Variants in DRD3 observed in about 807,000 individuals in gnomAD.
DRD3 encodes the protein D(3) dopamine receptor.
Under a neutral mutation model 36.3 loss-of-function variants are expected in DRD3, and 19 were observed. The ratio of observed to expected loss-of-function variants is 0.52; its 90% CI spans 0.36 to 0.77. The LOEUF (loss-of-function observed/expected upper bound fraction) is 0.77. DRD3 is among the 30% of genes least tolerant of loss of function. The probability of loss-of-function intolerance (pLI) is 0.00; values close to 1 mark genes in which losing one functional copy is unlikely to be tolerated. For missense variants in DRD3, 465 were observed against 505.3 expected (o/e 0.92, Z 0.77); for synonymous variants, 195 against 203.7 (o/e 0.96, Z 0.36).
At chr3:114,173,954 C>T (rs1004783241) in intron 1 of DRD3, among the ~76,000 whole-genome samples, 1 of 151,890 alleles carries the variant, frequency 6.6e-6, no homozygotes, top group Non-Finnish European at 1.5e-5. Context: ...TCATTTTGTA[C>T]CTCACTTTGA....
At chr3:114,185,735 G>T (rs765500247) in intron 1 of DRD3, among the ~76,000 whole-genome samples, 2 of 152,012 alleles carry the variant, frequency 1.3e-5, no homozygotes, top group Non-Finnish European at 2.9e-5. Context: ...GTGTGCAGTG[G>T]CATGATCATA....
At chr3:114,151,178 C>T (rs1434537213) in intron 3 of DRD3, among the ~76,000 whole-genome samples, 2 of 152,284 alleles carry the variant, frequency 1.3e-5, no homozygotes, top group East Asian at 1.9e-4. Context: ...GCTTTAGACT[C>T]TGCCGGGGGC....
upstream of DRD3, among the ~76,000 whole-genome samples, chr3:114,180,087 A>C (rs2077938127): frequency 6.6e-6 from 1 of 152,156 alleles, no homozygotes; most frequent in Non-Finnish European, 1.5e-5. Flanking sequence ...AATTCTCTTA[A>C]CCACTATGGT....
intron 3 of DRD3, among the ~76,000 whole-genome samples, chr3:114,156,773 TTCTTTCTTTCTTTCTTTCTTTCTTTC>T (rs1305707129): frequency 1.0e-3 from 129 of 126,894 alleles, no homozygotes; most frequent in African/African-American, 3.1e-3. Flanking sequence ...CTTTCTTTCT[TTCTTTCTTTCTTTCTTTCTTTCTTTC>T]TCTTTTCTTT....
At chr3:114,197,045 A>G (rs533105164) in intron 1 of DRD3, among the ~76,000 whole-genome samples, 306 of 149,870 alleles carry the variant, frequency 2.0e-3, no homozygotes, top group African/African-American at 7.1e-3. Flanking sequence ...CAGGTTAGTT[A>G]CATATGTATA....
chr3:114,169,730 G>C (rs1487633532), intron 2 of DRD3, among the ~76,000 whole-genome samples: 1 of 152,094 alleles, frequency 6.6e-6, no homozygotes, highest in Non-Finnish European at 1.5e-5. Context: ...TAGTAGAATA[G>C]GAGCACCAGT....
chr3:114,130,775 A>T (rs1021406594), intron 6 of DRD3, among the ~76,000 whole-genome samples: 2 of 152,126 alleles, frequency 1.3e-5, no homozygotes, highest in African/African-American at 4.8e-5. Context: ...TTGCATTCTT[A>T]TTTTTATCAC....
rs149054363 is a variant in DRD3, at chr3:114,159,933, A to G, written c.271-66T>C. Reference sequence around the variant, plus strand: ...AAGGAACGACAACCCAGTTGGCCCTATTTTCTTTGCTTTGCTGCCTAGTGT... The same window carrying G: ...AAGGAACGACAACCCAGTTGGCCCTGTTTTCTTTGCTTTGCTGCCTAGTGT... On this transcript the variant is annotated intron_variant, in intron 2 of 6. Coordinates refer to ENST00000383673, the MANE Select transcript of DRD3 (RefSeq NM_000796.6). The G allele has an allele frequency of 3.1e-5, 45 of 1,452,390 alleles. No individual in the cohort carries two copies. The East Asian group carries it at 8.2e-4, about 26-fold the overall frequency. 90.0% of individuals were successfully genotyped at this position (1,452,390 alleles called of 1,614,324 possible). A position where few individuals can be genotyped will look rare whatever the true frequency, so the allele number is the denominator to read the frequency against.
chr3:114,195,552 T>C (rs1274202327), intron 1 of DRD3, among the ~76,000 whole-genome samples: 1 of 152,222 alleles, frequency 6.6e-6, no homozygotes, highest in Non-Finnish European at 1.5e-5. Flanking sequence ...TTATTATTTA[T>C]GTAATAACAG....
chr3:114,170,167 A>G (rs1430107594), intron 2 of DRD3, among the ~76,000 whole-genome samples: 2 of 152,216 alleles, frequency 1.3e-5, no homozygotes, highest in Non-Finnish European at 2.9e-5. Context: ...TTTCAGGCTC[A>G]TTATTGTTGG....
intron 5 of DRD3, among the ~76,000 whole-genome samples, chr3:114,134,397 CA>C (rs1385728696): frequency 1.3e-5 from 2 of 151,940 alleles, no homozygotes; most frequent in Non-Finnish European, 2.9e-5. Context: ...CATGCCCAGC[CA>C]ATTTAAGTTT....
chr3:114,168,547 A>G (rs1278966073), intron 2 of DRD3, among the ~76,000 whole-genome samples: 3 of 152,020 alleles, frequency 2.0e-5, no homozygotes, highest in African/African-American at 4.8e-5. Context: ...TACTACAGGG[A>G]AAGTGCATGC....
intron 5 of DRD3, among the ~76,000 whole-genome samples, chr3:114,135,790 A>T (rs1445656952): frequency 6.6e-6 from 1 of 151,862 alleles, no homozygotes; most frequent in Non-Finnish European, 1.5e-5. Context: ...CCTGGGTTAG[A>T]GTGATTCTTG....
chr3:114,175,139 C>T (rs1006205299), intron 1 of DRD3, among the ~76,000 whole-genome samples: 1 of 152,082 alleles, frequency 6.6e-6, no homozygotes, highest in South Asian at 2.1e-4. Flanking sequence ...CCCCTCCCCA[C>T]AAGTTGGGAC....
intron 3 of DRD3, among the ~76,000 whole-genome samples, chr3:114,154,951 T>C (rs1041152871): frequency 7.2e-5 from 11 of 152,176 alleles, no homozygotes; most frequent in Admixed American, 5.2e-4. Context: ...CCACTCTGCT[T>C]TTTAAAAACG....
upstream of DRD3, among the ~76,000 whole-genome samples, chr3:114,179,781 C>A (rs2077935888): frequency 6.6e-6 from 1 of 152,130 alleles, no homozygotes; most frequent in African/African-American, 2.4e-5. Flanking sequence ...TATAGGGAAG[C>A]TAGCTCTTGT....
chr3:114,175,255 A>G (rs1191026644), intron 1 of DRD3, among the ~76,000 whole-genome samples: 2 of 152,300 alleles, frequency 1.3e-5, no homozygotes, highest in East Asian at 3.9e-4. Context: ...ACATAGCACT[A>G]GAAATATAGT....
At chr3:114,142,227 C>T (rs1428622308) in intron 4 of DRD3, among the ~76,000 whole-genome samples, 3 of 152,212 alleles carry the variant, frequency 2.0e-5, no homozygotes, top group East Asian at 3.9e-4. Flanking sequence ...TCTGCTCCTT[C>T]TCTGAAGTCA....
intron 3 of DRD3, among the ~76,000 whole-genome samples, chr3:114,153,084 A>C (rs147452380): frequency 6.6e-6 from 1 of 152,220 alleles, no homozygotes; most frequent in African/African-American, 2.4e-5. Flanking sequence ...TTGGTGATTA[A>C]GTCCGCGGGC....
Sources: gnomAD v4.1 joint callset for allele counts (sites outside exome capture counted in the v4.1 genomes callset) on GRCh38, gnomAD v4.1.1 for gene constraint, MANE v1.5 for transcripts, NCBI Gene and HGNC (gene_info 2026-07-23, HGNC 2026-07-21) for gene names.